KCNIP3: variants seen among roughly 807,000 people sequenced by gnomAD.
The protein encoded by KCNIP3 is calsenilin.
A neutral mutation model predicts 35.0 loss-of-function variants in KCNIP3; 28 were observed. The observed-to-expected ratio is 0.80, with a 90% confidence interval of 0.59 to 1.10. The LOEUF is 1.10. KCNIP3 is among the 50% of genes least tolerant of loss of function. KCNIP3 has a pLI of 0.00. For missense variants in KCNIP3, 295 were observed against 338.4 expected, an observed-to-expected ratio of 0.87 and a Z score of 1.01; for synonymous variants, 134 against 133.8, an observed-to-expected ratio of 1.00 and a Z score of -0.01.
intron 2 of KCNIP3, among the ~76,000 whole-genome samples, chr2:95,344,123 C>T (rs1435742322): frequency 6.6e-6 from 1 of 152,154 alleles, no homozygotes; most frequent in Non-Finnish European, 1.5e-5. Context: ...TTTGCATGTC[C>T]CTCACCTCCA....
At chr2:95,334,595 G>A (rs1192497870) in intron 2 of KCNIP3, among the ~76,000 whole-genome samples, 2 of 152,234 alleles carry the variant, frequency 1.3e-5, no homozygotes, top group African/African-American at 2.4e-5. Flanking sequence ...CTAAGAGTAT[G>A]AAGAGAAGAG....
chr2:95,383,869 G>C, intron 8 of KCNIP3, 133 bp from the exon 9 acceptor site: 1 of 786,454 alleles, frequency 1.3e-6, no homozygotes, highest in Admixed American at 1.8e-5. Context: ...CTGTCCCCCA[G>C]CTCCCTGCAC....
chr2:95,333,012 G>A (rs1372866660), intron 2 of KCNIP3, among the ~76,000 whole-genome samples: 7 of 108,368 alleles, frequency 6.5e-5, no homozygotes, highest in African/African-American at 1.1e-4. Flanking sequence ...GCCCTGTCTC[G>A]CGTGAGTTCT....
At chr2:95,338,326 A>G (rs1679112173) in intron 2 of KCNIP3, among the ~76,000 whole-genome samples, 1 of 152,204 alleles carries the variant, frequency 6.6e-6, no homozygotes, top group Non-Finnish European at 1.5e-5. Flanking sequence ...AAATGAGACG[A>G]GTTTAGCTTT....
At chr2:95,326,601 G>C (rs1678801313) in intron 2 of KCNIP3, among the ~76,000 whole-genome samples, 1 of 152,226 alleles carries the variant, frequency 6.6e-6, no homozygotes, top group Non-Finnish European at 1.5e-5. Context: ...GAATGGCGGT[G>C]GGAACGCCCA....
Position 95,297,525 on chromosome 2 carries a change from C to T in KCNIP3, c.15+72C>T, listed in dbSNP as rs1325716627. On this transcript the variant is annotated intron_variant, in intron 1 of 8. Transcript: ENST00000295225. The stretch of plus-strand genomic sequence containing the variant: ...GAGGAATGGAGGCTTCTGGGGGTTG[C>T]TCTGGACCAGGAAGCCTTTTTCTTT... 2.5e-6 allele frequency: 3 copies of T among 1,207,006 alleles called. No homozygotes were observed. In the African/African-American group the frequency reaches 4.6e-5, roughly 19 times the overall value. The allele number at this position is 1,207,006 out of a possible 1,614,324, so 74.8% of individuals were successfully genotyped here. A position where few individuals can be genotyped will look rare whatever the true frequency, so the allele number is the denominator to read the frequency against.
At chr2:95,329,081 C>A (rs907817923) in intron 2 of KCNIP3, among the ~76,000 whole-genome samples, 3 of 152,244 alleles carry the variant, frequency 2.0e-5, no homozygotes, top group African/African-American at 7.2e-5. Flanking sequence ...TTGGCCTCCA[C>A]TTCCTCATCT....
intron 1 of KCNIP3, among the ~76,000 whole-genome samples, chr2:95,299,549 A>G (rs965972497): frequency 6.6e-6 from 1 of 152,110 alleles, no homozygotes; most frequent in Admixed American, 6.5e-5. Context: ...TATTCTAGAC[A>G]CTGAGGCTCA....
chr2:95,333,996 G>C (rs1678995388), intron 2 of KCNIP3, among the ~76,000 whole-genome samples: 1 of 152,196 alleles, frequency 6.6e-6, no homozygotes, highest in Non-Finnish European at 1.5e-5. Flanking sequence ...TGAGATCCTG[G>C]CATCAAGCGT....
At chr2:95,339,959 T>C (rs1364444109) in intron 2 of KCNIP3, among the ~76,000 whole-genome samples, 2 of 152,174 alleles carry the variant, frequency 1.3e-5, no homozygotes, top group African/African-American at 2.4e-5. Context: ...TCTGCATGAG[T>C]GAGGCTGGTC....
intron 2 of KCNIP3, among the ~76,000 whole-genome samples, chr2:95,365,529 G>A (rs1679896595): frequency 6.6e-6 from 1 of 152,146 alleles, no homozygotes; most frequent in African/African-American, 2.4e-5. Flanking sequence ...ATCCTTGTAA[G>A]AGCAGTTTTC....
intron 2 of KCNIP3, among the ~76,000 whole-genome samples, chr2:95,318,564 G>A (rs1447217263): frequency 6.6e-6 from 1 of 152,178 alleles, no homozygotes; most frequent in Non-Finnish European, 1.5e-5. Flanking sequence ...GAACCGGGAG[G>A]TGGGTGATCC....
At chr2:95,334,196 G>A (rs930392514) in intron 2 of KCNIP3, among the ~76,000 whole-genome samples, 1 of 152,258 alleles carries the variant, frequency 6.6e-6, no homozygotes, top group African/African-American at 2.4e-5. Context: ...CACAGGCTCT[G>A]AGTTGGCCGG....
chr2:95,304,436 T>G (rs1443533963), intron 1 of KCNIP3, among the ~76,000 whole-genome samples: 2 of 152,120 alleles, frequency 1.3e-5, no homozygotes, highest in Non-Finnish European at 2.9e-5. Context: ...GTAAAGAGAA[T>G]GGCAGTGGGG....
intron 2 of KCNIP3, among the ~76,000 whole-genome samples, chr2:95,330,106 T>C (rs998303018): frequency 2.0e-5 from 3 of 152,132 alleles, no homozygotes; most frequent in African/African-American, 7.2e-5. Context: ...CTGGGAGTAA[T>C]TGAGTTGCAG....
intron 2 of KCNIP3, among the ~76,000 whole-genome samples, chr2:95,367,856 G>GGTTCA (rs1679953376): frequency 6.6e-6 from 1 of 150,572 alleles, no homozygotes; most frequent in Non-Finnish European, 1.5e-5. Context: ...CTGCCTCCCA[G>GGTTCA]GTTCAAGCGA....
intron 2 of KCNIP3, among the ~76,000 whole-genome samples, chr2:95,314,578 T>C (rs919644416): frequency 1.3e-5 from 2 of 152,200 alleles, no homozygotes; most frequent in Non-Finnish European, 2.9e-5. Context: ...CCCTGGAGAA[T>C]TCACTGGATT....
At chr2:95,298,611 G>A (rs1677938925) in intron 1 of KCNIP3, 1 of 152,310 alleles carries the variant, frequency 6.6e-6, no homozygotes, top group African/African-American at 2.4e-5. Flanking sequence ...CCAAGCATGG[G>A]CGGGTGGCTG....
rs1333445175 is a variant in KCNIP3 at position 95,376,575 on chromosome 2, C to T, written c.447+1367C>T. Among the ~76,000 whole-genome samples, 1 of 152,250 alleles carries T rather than the reference C, an allele frequency of 6.6e-6. No individual in the cohort carries two copies. Among genetic ancestry groups the T allele is most frequent in the Non-Finnish European group, 1.5e-5 (1 of 68,038 alleles). On this transcript the variant is annotated intron_variant, in intron 5 of 8. Transcript: ENST00000295225. The surrounding 1 kb of genome is among the most constrained non-coding windows in gnomAD (Gnocchi z 4.2). The stretch of plus-strand genomic sequence containing the variant: ...TTCTCAGAAGATCACTCATCCCTGG[C>T]ATCTTCCTGGGCCTTCTGCAGCTTC...
Sources: allele counts gnomAD v4.1 joint callset (sites outside exome capture counted in the v4.1 genomes callset), GRCh38; gene constraint gnomAD v4.1.1; non-coding constraint Gnocchi (gnomAD v3.1); transcripts MANE v1.5; gene names NCBI Gene and HGNC (gene_info 2026-07-23, HGNC 2026-07-21).